The following ESRRG variants were observed in gnomAD, a reference collection of about 807,000 sequenced individuals.
The protein encoded by ESRRG is estrogen-related receptor gamma.
A neutral mutation model predicts 44.0 loss-of-function variants in ESRRG; 13 were observed. The ratio of observed to expected loss-of-function variants is 0.30; its 90% CI spans 0.19 to 0.47. ESRRG has a LOEUF of 0.47. ESRRG is among the 20% of genes least tolerant of loss of function. ESRRG has a pLI of 1.00. For missense variants in ESRRG, 395 were observed against 580.6 expected, an observed-to-expected ratio of 0.68 and a Z score of 3.29; for synonymous variants, 215 against 214.6, an observed-to-expected ratio of 1.00 and a Z score of -0.02.
chr1:216,564,436 T>C lies in ESRRG; in HGVS notation c.701-56A>G, dbSNP rs907162479. On this transcript the variant is annotated intron_variant, in intron 4 of 6. Coordinates refer to ENST00000408911, the MANE Select transcript of ESRRG (RefSeq NM_001438.4). ...CACTAGTAGTATCATCCCTCTTTTA[T>C]AAACCCTAGAGCATTTTGTGTTTTG... The C allele has an allele frequency of 2.8e-6, 4 of 1,407,416 alleles. No homozygotes were observed. The African/African-American group carries it at 5.8e-5, about 20-fold the overall frequency. The allele number at this position is 1,407,416 out of a possible 1,614,324, so 87.2% of individuals were successfully genotyped here. A position where few individuals can be genotyped will look rare whatever the true frequency, so the allele number is the denominator to read the frequency against.
chr1:216,567,941 G>T, intron 4 of ESRRG, 47 bp downstream of exon 4: 2 of 1,254,210 alleles, frequency 1.6e-6, no homozygotes, highest in Non-Finnish European at 2.3e-6. Flanking sequence ...AGAGCCAACT[G>T]GGAGGATTTC....
chr1:216,975,519 C>T (rs1309010950), intron 1 of ESRRG, among the ~76,000 whole-genome samples: 2 of 152,156 alleles, frequency 1.3e-5, no homozygotes, highest in Admixed American at 6.5e-5. Context: ...TCTTGGAGGG[C>T]CCTTCCTTTA....
intron 2 of ESRRG, among the ~76,000 whole-genome samples, chr1:216,893,759 C>A (rs1380280046): frequency 2.0e-5 from 3 of 151,902 alleles, no homozygotes; most frequent in Non-Finnish European, 2.9e-5. Context: ...ATTGGAAAAA[C>A]AATGTTGGCA....
intron 1 of ESRRG, among the ~76,000 whole-genome samples, chr1:217,037,621 C>T (rs1032827529): frequency 1.6e-4 from 24 of 152,222 alleles, no homozygotes; most frequent in Non-Finnish European, 3.2e-4. Flanking sequence ...CCAGCCCCTC[C>T]CAAATCTCCT....
chr1:216,687,027 G>A (rs1278995556), intron 1 of ESRRG, among the ~76,000 whole-genome samples: 3 of 206 alleles, frequency 0.015, no homozygotes, highest in Non-Finnish European at 0.028. Context: ...GGCAGGGCCC[G>A]TGTGTGTGTG....
intron 3 of ESRRG, among the ~76,000 whole-genome samples, chr1:216,633,575 T>C (rs1010423643): frequency 2.6e-5 from 4 of 152,212 alleles, no homozygotes; most frequent in Non-Finnish European, 5.9e-5. Flanking sequence ...CAAATGATGA[T>C]TATGATACAG....
intron 1 of ESRRG, among the ~76,000 whole-genome samples, chr1:217,101,461 C>T (rs971504185): frequency 1.3e-5 from 2 of 152,182 alleles, no homozygotes; most frequent in Non-Finnish European, 2.9e-5. Context: ...GAAATCTCAA[C>T]CTCTTTCCTT....
At chr1:216,703,609 A>T (rs1373791602) in intron 1 of ESRRG, among the ~76,000 whole-genome samples, 1 of 151,844 alleles carries the variant, frequency 6.6e-6, no homozygotes, top group Non-Finnish European at 1.5e-5. Flanking sequence ...AAGTGCAAGG[A>T]AAAAATAGAC....
intron 1 of ESRRG, among the ~76,000 whole-genome samples, chr1:217,043,430 G>T (rs912823473): frequency 1.3e-5 from 2 of 152,138 alleles, no homozygotes; most frequent in African/African-American, 4.8e-5. Context: ...AATAATAAAT[G>T]AATAGTGCAC....
intron 2 of ESRRG, among the ~76,000 whole-genome samples, chr1:216,779,212 T>C (rs868256903): frequency 6.2e-4 from 39 of 62,852 alleles, no homozygotes; most frequent in African/African-American, 2.9e-3. Context: ...TAAATATAAA[T>C]ATATATTTAT....
intron 2 of ESRRG, among the ~76,000 whole-genome samples, chr1:216,766,320 A>T (rs1476501708): frequency 6.6e-6 from 1 of 152,104 alleles, no homozygotes; most frequent in Non-Finnish European, 1.5e-5. Flanking sequence ...AGGTACAATT[A>T]TGCAGAGAAG....
chr1:217,094,781 A>G (rs1233412257), intron 1 of ESRRG, among the ~76,000 whole-genome samples: 1 of 152,248 alleles, frequency 6.6e-6, no homozygotes, highest in Non-Finnish European at 1.5e-5. Context: ...GGCTATACAA[A>G]TAAACTGCCC....
At chr1:216,694,735 T>C (rs1378766186) in intron 1 of ESRRG, among the ~76,000 whole-genome samples, 1 of 151,968 alleles carries the variant, frequency 6.6e-6, no homozygotes, top group East Asian at 1.9e-4. Context: ...TTTTCTTTTT[T>C]AAATAGAGAC....
chr1:216,815,667 G>A (rs539728680), intron 2 of ESRRG, among the ~76,000 whole-genome samples: 1 of 152,144 alleles, frequency 6.6e-6, no homozygotes. Flanking sequence ...AACTGAACCC[G>A]AGACATTTGT....
At chr1:216,529,684 A>T (rs2048715451) in intron 5 of ESRRG, among the ~76,000 whole-genome samples, 1 of 152,174 alleles carries the variant, frequency 6.6e-6, no homozygotes, top group Non-Finnish European at 1.5e-5. Flanking sequence ...CTAACTCAAA[A>T]ATATATTTAA....
chr1:216,762,570 G>T (rs908508108), intron 2 of ESRRG, among the ~76,000 whole-genome samples: 1 of 91,422 alleles, frequency 1.1e-5, no homozygotes, highest in African/African-American at 4.2e-5. Flanking sequence ...TGGGGGGAGT[G>T]GGGAGGGATA....
At chr1:216,673,389 A>T (rs1354552115) in intron 2 of ESRRG, among the ~76,000 whole-genome samples, 1 of 152,200 alleles carries the variant, frequency 6.6e-6, no homozygotes, top group African/African-American at 2.4e-5. Context: ...ATGTCTGATG[A>T]TGTAGCTAGC....
intron 1 of ESRRG, among the ~76,000 whole-genome samples, chr1:216,702,050 G>T (rs2081467495): frequency 6.6e-6 from 1 of 152,102 alleles, no homozygotes; most frequent in Admixed American, 6.5e-5. Context: ...TTACCAATTT[G>T]CTAGATAATT....
chr1:216,864,098 A>C (rs1278166338), intron 2 of ESRRG: 1 of 152,212 alleles, frequency 6.6e-6, no homozygotes, highest in Non-Finnish European at 1.5e-5. Context: ...ATGGGATGAA[A>C]TTGTAAATAT....
Sources: gnomAD v4.1 joint callset for allele counts (sites outside exome capture counted in the v4.1 genomes callset) on GRCh38, gnomAD v4.1.1 for gene constraint, MANE v1.5 for transcripts, NCBI Gene and HGNC (gene_info 2026-07-23, HGNC 2026-07-21) for gene names.